PBX3: variants seen among roughly 807,000 people sequenced by gnomAD.
PBX3 encodes PBX homeobox 3.
Under a neutral mutation model 48.5 loss-of-function variants are expected in PBX3, and 14 were observed. The ratio of observed to expected loss-of-function variants is 0.29; its 90% CI spans 0.19 to 0.45. The LOEUF is 0.45. PBX3 is among the 20% of genes least tolerant of loss of function. The pLI is 1.00. For synonymous variants in PBX3, 210 were observed against 200.3 expected (o/e 1.05, Z -0.41); for missense variants, 386 against 546.7 (o/e 0.71, Z 2.93).
chr9:125,753,318 C>A, intron 2 of PBX3, among the ~76,000 whole-genome samples: 1 of 147,068 alleles, frequency 6.8e-6, no homozygotes. Context: ...GATTTGGTAT[C>A]TTACTGGAGC....
chr9:125,847,718 CT>C (rs34330364), intron 2 of PBX3, among the ~76,000 whole-genome samples: 1,684 of 139,896 alleles, frequency 0.012, 12 homozygotes, highest in South Asian at 0.02. Context: ...TAGTTTCCAA[CT>C]TTTTTTTTTT....
intron 2 of PBX3, among the ~76,000 whole-genome samples, chr9:125,902,260 A>G (rs971593428): frequency 1.3e-5 from 2 of 151,734 alleles, no homozygotes; most frequent in Non-Finnish European, 3.0e-5. Context: ...GGTTTAACAA[A>G]TGTATGATTA....
intron 2 of PBX3, among the ~76,000 whole-genome samples, chr9:125,750,717 A>T (rs1836349006): frequency 6.6e-6 from 1 of 152,218 alleles, no homozygotes; most frequent in Non-Finnish European, 1.5e-5. Context: ...TTTGCACGTT[A>T]TCTCTTTTGT....
At chr9:125,812,631 C>T (rs754250248) in intron 2 of PBX3, among the ~76,000 whole-genome samples, 36 of 152,222 alleles carry the variant, frequency 2.4e-4, no homozygotes, top group Non-Finnish European at 1.5e-4. Context: ...CGAATACAGT[C>T]GTGTCACTTA....
At chr9:125,950,099 T>C (rs1310122969) in intron 5 of PBX3, among the ~76,000 whole-genome samples, 1 of 152,170 alleles carries the variant, frequency 6.6e-6, no homozygotes, top group Non-Finnish European at 1.5e-5. Context: ...TAACTGTAAA[T>C]GTTGTCTGTG....
intron 2 of PBX3, among the ~76,000 whole-genome samples, chr9:125,786,242 T>C (rs1424353926): frequency 2.6e-5 from 4 of 152,206 alleles, no homozygotes; most frequent in African/African-American, 9.7e-5. Flanking sequence ...GCTACACATA[T>C]GAACTGAGAT....
intron 2 of PBX3, among the ~76,000 whole-genome samples, chr9:125,856,420 C>A (rs576763629): frequency 6.6e-6 from 1 of 152,052 alleles, no homozygotes; most frequent in African/African-American, 2.4e-5. Context: ...CCTCAAGCAC[C>A]AGCCCAATTA....
intron 8 of PBX3, among the ~76,000 whole-genome samples, chr9:125,965,363 C>G (rs1268179232): frequency 1.8e-4 from 28 of 152,144 alleles, no homozygotes; most frequent in Non-Finnish European, 1.5e-5. Context: ...CCTTCACTTT[C>G]CAAGGGTTAC....
intron 4 of PBX3, among the ~76,000 whole-genome samples, chr9:125,933,064 T>TA (rs1841753150): frequency 6.6e-6 from 1 of 152,186 alleles, no homozygotes; most frequent in Non-Finnish European, 1.5e-5. Flanking sequence ...GGATGCTTTC[T>TA]AAAAAATAAA....
At chr9:125,946,730 C>G (rs967380506) in intron 5 of PBX3, among the ~76,000 whole-genome samples, 1 of 151,954 alleles carries the variant, frequency 6.6e-6, no homozygotes, top group Non-Finnish European at 1.5e-5. Context: ...ATAGAGGATA[C>G]AGTAAGAAAG....
At chr9:125,907,866 A>G (rs1477249993) in intron 2 of PBX3, among the ~76,000 whole-genome samples, 1 of 152,130 alleles carries the variant, frequency 6.6e-6, no homozygotes, top group Non-Finnish European at 1.5e-5. Flanking sequence ...TTGGGCTCTA[A>G]AGTCACTTAA....
At chr9:125,928,477 A>G (rs1272748198) in intron 3 of PBX3, among the ~76,000 whole-genome samples, 1 of 140,082 alleles carries the variant, frequency 7.1e-6, no homozygotes, top group African/African-American at 2.7e-5. Flanking sequence ...TTTTTTTTTG[A>G]GACAGAATCT....
At chr9:125,958,599 G>A (rs75238345) in intron 5 of PBX3, among the ~76,000 whole-genome samples, 5,451 of 152,278 alleles carry the variant, frequency 0.036, 338 homozygotes, top group African/African-American at 0.12. Flanking sequence ...GATATTGTGA[G>A]GTAGTGAGTA....
chr9:125,833,842 A>G (rs1839039669), intron 2 of PBX3, among the ~76,000 whole-genome samples: 1 of 152,080 alleles, frequency 6.6e-6, no homozygotes, highest in Non-Finnish European at 1.5e-5. Context: ...ATATATTTTC[A>G]TTTTTCTTTG....
At chr9:125,775,366 T>G (rs1056687377) in intron 2 of PBX3, among the ~76,000 whole-genome samples, 4 of 152,222 alleles carry the variant, frequency 2.6e-5, no homozygotes, top group Admixed American at 2.6e-4. Context: ...TTAAAAACTT[T>G]TATGGTTTTA....
At chr9:125,881,535 A>G (rs914797411) in intron 2 of PBX3, among the ~76,000 whole-genome samples, 1 of 152,168 alleles carries the variant, frequency 6.6e-6, no homozygotes. Context: ...ATAATTATAC[A>G]TTTCTACCAG....
chr9:125,829,348 G>A (rs1017281216), intron 2 of PBX3, among the ~76,000 whole-genome samples: 3 of 151,996 alleles, frequency 2.0e-5, no homozygotes, highest in Admixed American at 6.6e-5. Context: ...ATGCAACCGA[G>A]GTACATTTTC....
chr9:125,844,508 G>A (rs1324081159), intron 2 of PBX3: 1 of 152,028 alleles, frequency 6.6e-6, no homozygotes, highest in Non-Finnish European at 1.5e-5. Context: ...TATTACAGGT[G>A]TTTAAATTAA....
chr9:125,866,160 C>G (rs1217515515), intron 2 of PBX3, among the ~76,000 whole-genome samples: 2 of 152,116 alleles, frequency 1.3e-5, no homozygotes, highest in African/African-American at 4.8e-5. Flanking sequence ...AGTGAGTTAA[C>G]TATGCTGTTG....
Sources: gnomAD v4.1 joint callset for allele counts (sites outside exome capture counted in the v4.1 genomes callset) on GRCh38, gnomAD v4.1.1 for gene constraint, MANE v1.5 for transcripts, NCBI Gene and HGNC (gene_info 2026-07-23, HGNC 2026-07-21) for gene names.